Variants in FAT3 observed in about 807,000 individuals in gnomAD.
FAT3 encodes protocadherin Fat 3.
In FAT3, 95 loss-of-function variants were observed where a neutral mutation model predicts 310.2. That is an observed-to-expected ratio of 0.31 (90% CI 0.26 to 0.36). The LOEUF is 0.36. FAT3 is among the 10% of genes least tolerant of loss of function. The pLI, the probability that FAT3 is intolerant of heterozygous loss-of-function variation, is 1.00. For synonymous variants in FAT3, 2,314 were observed against 2,192.9 expected, an observed-to-expected ratio of 1.06 and a Z score of -1.54; for missense variants, 5,408 against 5,715.6, an observed-to-expected ratio of 0.95 and a Z score of 1.74.
chr11:92,700,155 C>G (rs930857591), intron 4 of FAT3, among the ~76,000 whole-genome samples: 1 of 152,166 alleles, frequency 6.6e-6, no homozygotes, highest in African/African-American at 2.4e-5. Flanking sequence ...CGGGGGGTGA[C>G]AGGCAACATT....
intron 2 of FAT3, among the ~76,000 whole-genome samples, chr11:92,475,588 T>C (rs144036215): frequency 6.6e-6 from 1 of 152,124 alleles, no homozygotes; most frequent in East Asian, 1.9e-4. Context: ...CATTAGAAAC[T>C]ACTGACATTC....
chr11:92,790,546 A>T (rs920401528), intron 8 of FAT3, among the ~76,000 whole-genome samples: 5 of 152,230 alleles, frequency 3.3e-5, no homozygotes, highest in African/African-American at 9.6e-5. Context: ...AGAAGATTTC[A>T]TAGAAAAATT....
chr11:92,803,578 C>T (rs972813350), intron 10 of FAT3, among the ~76,000 whole-genome samples: 2 of 152,140 alleles, frequency 1.3e-5, no homozygotes, highest in Non-Finnish European at 2.9e-5. Flanking sequence ...AGCAGGGTTG[C>T]TCAGCCACAC....
intron 3 of FAT3, among the ~76,000 whole-genome samples, chr11:92,652,961 G>A (rs530164544): frequency 2.6e-5 from 4 of 152,068 alleles, no homozygotes; most frequent in Non-Finnish European, 4.4e-5. Context: ...TCAGGAGTTC[G>A]AGACCAGACT....
At chr11:92,516,044 A>G (rs1565376513) in intron 2 of FAT3, among the ~76,000 whole-genome samples, 1 of 152,176 alleles carries the variant, frequency 6.6e-6, no homozygotes, top group Non-Finnish European at 1.5e-5. Context: ...TTCACAGTCA[A>G]ATTCTACCAA....
At chr11:92,705,560 ATGGTGGTGG>A (rs1344315992) in intron 4 of FAT3, among the ~76,000 whole-genome samples, 3 of 72,896 alleles carry the variant, frequency 4.1e-5, no homozygotes, top group Non-Finnish European at 5.1e-5. Context: ...TGGTGGTGTG[ATGGTGGTGG>A]TGGTGGTGAT....
chr11:92,296,762 A>T (rs182759942), intron 1 of FAT3, among the ~76,000 whole-genome samples: 4 of 152,204 alleles, frequency 2.6e-5, no homozygotes, highest in Admixed American at 2.6e-4. Flanking sequence ...CTGTTTGCGG[A>T]TGGTGCCTGA....
chr11:92,527,914 T>C (rs553197384), intron 3 of FAT3, among the ~76,000 whole-genome samples: 1 of 152,364 alleles, frequency 6.6e-6, no homozygotes, highest in African/African-American at 2.4e-5. Flanking sequence ...TAGATTTTTT[T>C]CTCAAATGGA....
chr11:92,232,744 T>G (rs1864241429), intron 1 of FAT3, among the ~76,000 whole-genome samples: 1 of 147,862 alleles, frequency 6.8e-6, no homozygotes, highest in African/African-American at 2.5e-5. Flanking sequence ...GTAAACATTA[T>G]GAAGCATCAC....
intron 22 of FAT3, among the ~76,000 whole-genome samples, chr11:92,867,756 G>T (rs1374295735): frequency 6.6e-6 from 1 of 152,182 alleles, no homozygotes; most frequent in Admixed American, 6.5e-5. Context: ...TTAAAAATAA[G>T]TCTAGTTACA....
chr11:92,496,286 T>A (rs1952760132), intron 2 of FAT3, among the ~76,000 whole-genome samples: 1 of 152,084 alleles, frequency 6.6e-6, no homozygotes, highest in African/African-American at 2.4e-5. Flanking sequence ...CAGTAAATAT[T>A]TGTTGCATGA....
chr11:92,806,907 GA>G (rs1947521389), intron 12 of FAT3, among the ~76,000 whole-genome samples: 1 of 152,070 alleles, frequency 6.6e-6, no homozygotes, highest in Non-Finnish European at 1.5e-5. Context: ...ATTCTCCTAG[GA>G]AACTCAATGG....
chr11:92,743,365 A>G (rs1945561835), intron 4 of FAT3, among the ~76,000 whole-genome samples: 1 of 152,188 alleles, frequency 6.6e-6, no homozygotes, highest in South Asian at 2.1e-4. Flanking sequence ...TCTTCTAGAG[A>G]ATGGCATTGG....
At chr11:92,734,561 T>A (rs1226607681) in intron 4 of FAT3, among the ~76,000 whole-genome samples, 2 of 152,288 alleles carry the variant, frequency 1.3e-5, no homozygotes, top group South Asian at 4.1e-4. Context: ...TTGGTTATCA[T>A]AATAATAATG....
chr11:92,422,874 G>C (rs16917533), intron 2 of FAT3, among the ~76,000 whole-genome samples: 4,568 of 152,180 alleles, frequency 0.03, 240 homozygotes, highest in African/African-American at 0.1. Flanking sequence ...GGTCAAATCA[G>C]TTGTCTTGCA....
At chr11:92,537,650 A>C (rs1954304168) in intron 3 of FAT3, among the ~76,000 whole-genome samples, 1 of 152,112 alleles carries the variant, frequency 6.6e-6, no homozygotes, top group Non-Finnish European at 1.5e-5. Context: ...GAAGCAACTG[A>C]CAGACAGACA....
intron 1 of FAT3, among the ~76,000 whole-genome samples, chr11:92,351,661 C>T (rs1948570358): frequency 7.5e-6 from 1 of 132,684 alleles, no homozygotes; most frequent in African/African-American, 3.8e-5. Flanking sequence ...CATTTAGCAT[C>T]TCTTCATTTT....
chr11:92,394,481 C>T (rs973711175), intron 2 of FAT3, among the ~76,000 whole-genome samples: 10 of 152,042 alleles, frequency 6.6e-5, no homozygotes, highest in African/African-American at 2.2e-4. Context: ...TAAACTCACC[C>T]TTTCCACCAC....
intron 1 of FAT3, among the ~76,000 whole-genome samples, chr11:92,346,634 G>T (rs191933188): frequency 1.3e-5 from 2 of 152,150 alleles, no homozygotes; most frequent in East Asian, 3.9e-4. Flanking sequence ...TTTACTATGT[G>T]CCGGACACTA....
Sources: allele counts gnomAD v4.1 joint callset (sites outside exome capture counted in the v4.1 genomes callset), GRCh38; gene constraint gnomAD v4.1.1; transcripts MANE v1.5; gene names NCBI Gene and HGNC (gene_info 2026-07-23, HGNC 2026-07-21).